CDK19: variants seen among roughly 807,000 people sequenced by gnomAD.
CDK19 encodes the protein cyclin-dependent kinase 19.
In CDK19, 20 loss-of-function variants were observed where a neutral mutation model predicts 68.3. That is an observed-to-expected ratio of 0.29 (90% CI 0.21 to 0.43). The LOEUF is 0.43. CDK19 is among the 20% of genes least tolerant of loss of function. The pLI, the probability that CDK19 is intolerant of heterozygous loss-of-function variation, is 1.00. For synonymous variants in CDK19, 221 were observed against 222.8 expected (o/e 0.99, Z 0.07); for missense variants, 339 against 623.5 (o/e 0.54, Z 4.86).
intron 2 of CDK19, among the ~76,000 whole-genome samples, chr6:110,672,324 A>G (rs1771085949): frequency 6.6e-6 from 1 of 152,110 alleles, no homozygotes; most frequent in African/African-American, 2.4e-5. Flanking sequence ...AACACCCAAC[A>G]CTGGCACAGA....
intron 2 of CDK19, among the ~76,000 whole-genome samples, chr6:110,683,093 T>C (rs1194693541): frequency 6.7e-6 from 1 of 149,718 alleles, no homozygotes; most frequent in East Asian, 2.0e-4. Flanking sequence ...GGAGAATCAC[T>C]TGAACCCAGG....
intron 2 of CDK19, among the ~76,000 whole-genome samples, chr6:110,743,850 T>C (rs1777862594): frequency 6.6e-6 from 1 of 152,090 alleles, no homozygotes; most frequent in African/African-American, 2.4e-5. Context: ...TCATGGAAGG[T>C]AGGGCTGAAA....
chr6:110,667,568 T>C lies in CDK19; in HGVS notation c.322A>G (p.Ile108Val). 6.6e-7 allele frequency: 1 copy of C among 1,521,496 alleles called. No individual in the cohort carries two copies. The highest frequency in any genetic ancestry group is 8.9e-7 in the Non-Finnish European group (1 of 1,123,194). The allele number at this position is 1,521,496 out of a possible 1,614,324, so 94.2% of individuals were successfully genotyped here. ...DYAEHDLWHIIKFHRASKANK... is the reference protein window; with the variant it reads ...DYAEHDLWHIVKFHRASKANK... ...GCTTTTGATGCACGGTGAAACTTAA[T>C]AATATGCTAAAAATTAAAAAAAAAC... is the stretch of plus-strand genomic sequence containing the variant. The change falls in exon 4 of 13, where the codon ATT becomes GTT. Residue 108 changes from isoleucine to valine, a missense_variant. Physicochemically the swap from Ile to Val is conservative, Grantham distance 29. Around this residue, in one of 4 missense-constraint regions of CDK19, gnomAD observed 120 missense variants for 224.0 expected, o/e 0.54. Coordinates refer to ENST00000368911, the MANE Select transcript of CDK19 (RefSeq NM_015076.5).
At chr6:110,649,871 C>A (rs1394629551) in intron 4 of CDK19, among the ~76,000 whole-genome samples, 1 of 152,058 alleles carries the variant, frequency 6.6e-6, no homozygotes, top group African/African-American at 2.4e-5. Context: ...AATTCCAGTA[C>A]ATAGCTGGTG....
At chr6:110,676,653 C>T (rs1199807296) in intron 2 of CDK19, among the ~76,000 whole-genome samples, 1 of 152,188 alleles carries the variant, frequency 6.6e-6, no homozygotes, top group Admixed American at 6.5e-5. Flanking sequence ...AAGATTATGA[C>T]TCACTGAAGG....
At chr6:110,727,111 G>C (rs963934428) in intron 2 of CDK19, among the ~76,000 whole-genome samples, 1 of 151,968 alleles carries the variant, frequency 6.6e-6, no homozygotes, top group Admixed American at 6.6e-5. Context: ...GACAGAATTA[G>C]GTTATATAAG....
chr6:110,632,262 C>T (rs1368431889), intron 5 of CDK19, 101 bp from the exon 6 acceptor site: 67 of 869,922 alleles, frequency 7.7e-5, no homozygotes, highest in Admixed American at 3.0e-4. Flanking sequence ...CTATTAGAAC[C>T]ATGCAAGGTT....
intron 4 of CDK19, among the ~76,000 whole-genome samples, chr6:110,645,477 T>C (rs1412974395): frequency 6.6e-6 from 1 of 151,936 alleles, no homozygotes; most frequent in Non-Finnish European, 1.5e-5. Context: ...GAATAATGAG[T>C]TATGTGCTCA....
intron 1 of CDK19, among the ~76,000 whole-genome samples, chr6:110,772,080 C>T (rs1780053483): frequency 6.6e-6 from 1 of 152,176 alleles, no homozygotes; most frequent in African/African-American, 2.4e-5. Flanking sequence ...GTCACTTCCA[C>T]ATTTTCAGGT....
chr6:110,617,439 A>G (rs578207522), intron 12 of CDK19, among the ~76,000 whole-genome samples: 1 of 152,036 alleles, frequency 6.6e-6, no homozygotes, highest in South Asian at 2.1e-4. Flanking sequence ...CTTCTGTCCA[A>G]TCATGTTTCT....
intron 2 of CDK19, among the ~76,000 whole-genome samples, chr6:110,713,386 C>G (rs1426616245): frequency 1.4e-5 from 2 of 146,174 alleles, no homozygotes; most frequent in African/African-American, 5.1e-5. Flanking sequence ...GAGCTGAGAT[C>G]GCGCCACTGC....
intron 1 of CDK19, among the ~76,000 whole-genome samples, chr6:110,761,410 A>AGTGT (rs1205393972): frequency 1.3e-5 from 2 of 152,252 alleles, no homozygotes; most frequent in Non-Finnish European, 2.9e-5. Flanking sequence ...ATTAGGAAAC[A>AGTGT]GTGTCAACAG....
intron 1 of CDK19, among the ~76,000 whole-genome samples, chr6:110,805,742 T>C (rs1782634894): frequency 5.9e-5 from 9 of 152,186 alleles, no homozygotes. Context: ...TTCAAAAATG[T>C]AGGACACTAT....
At chr6:110,790,111 TA>T (rs2115065165) in intron 1 of CDK19, among the ~76,000 whole-genome samples, 1 of 152,350 alleles carries the variant, frequency 6.6e-6, no homozygotes, top group South Asian at 2.1e-4. Flanking sequence ...GAAGGCATTG[TA>T]TATTTCTGGA....
chr6:110,719,826 G>A (rs911223092), intron 2 of CDK19, among the ~76,000 whole-genome samples: 16 of 152,076 alleles, frequency 1.1e-4, no homozygotes, highest in African/African-American at 3.9e-4. Flanking sequence ...CGCCTCCCAG[G>A]TTCAAGCGAT....
intron 1 of CDK19, among the ~76,000 whole-genome samples, chr6:110,759,428 A>AAAAAATATATATATAT (rs1275389842): frequency 2.0e-5 from 1 of 50,908 alleles, no homozygotes; most frequent in African/African-American, 8.7e-5. Context: ...AAAAAAAAAA[A>AAAAAATATATATATAT]ATATATATAT....
At chr6:110,793,243 G>C (rs936857537) in intron 1 of CDK19, among the ~76,000 whole-genome samples, 7 of 152,050 alleles carry the variant, frequency 4.6e-5, no homozygotes, top group African/African-American at 7.2e-5. Flanking sequence ...AAAAGAAAAT[G>C]TCTTTGTGAC....
rs376438679 is a variant in CDK19, at chr6:110,813,573, A to G, written c.128+1436T>C. The G allele has an allele frequency of 7.2e-5, 11 of 152,226 alleles. No individual in the cohort carries two copies. In the East Asian group the frequency reaches 7.7e-4, roughly 11 times the overall value. 9.4% of individuals were successfully genotyped at this position (152,226 alleles called of 1,614,324 possible). On this transcript the variant is annotated intron_variant, in intron 1 of 12. Coordinates refer to ENST00000368911, the MANE Select transcript of CDK19 (RefSeq NM_015076.5). The stretch of plus-strand genomic sequence containing the variant: ...AAGCATTCAAGGACACCTGGTAATT[A>G]AAGGAATTATGAGAAACAACTGAGT...
chr6:110,797,974 G>T (rs1583126914), intron 1 of CDK19, among the ~76,000 whole-genome samples: 1 of 106,250 alleles, frequency 9.4e-6, no homozygotes, highest in African/African-American at 3.9e-5. Flanking sequence ...GACAGAGCAA[G>T]ACTCCGTCTC....
Sources: gnomAD v4.1 joint callset for allele counts (sites outside exome capture counted in the v4.1 genomes callset) on GRCh38, gnomAD v4.1.1 for gene constraint, gnomAD v4.1.1 regional missense constraint, MANE v1.5 for transcripts, NCBI Gene and HGNC (gene_info 2026-07-23, HGNC 2026-07-21) for gene names.